The following TVP23A variants were observed in gnomAD, a reference collection of about 807,000 sequenced individuals.
TVP23A encodes trans-golgi network vesicle protein 23 homolog A.
A neutral mutation model predicts 31.7 loss-of-function variants in TVP23A; 21 were observed. That is an observed-to-expected ratio of 0.66 (90% CI 0.47 to 0.95). The LOEUF (loss-of-function observed/expected upper bound fraction) is 0.95. Ranked by LOEUF, TVP23A falls within the 40% of genes least tolerant of loss-of-function variation. The probability of loss-of-function intolerance (pLI) is 0.00; values close to 1 mark genes in which losing one functional copy is unlikely to be tolerated. For missense variants in TVP23A, 279 were observed against 255.6 expected, an observed-to-expected ratio of 1.09 and a Z score of -0.62; for synonymous variants, 104 against 96.0, an observed-to-expected ratio of 1.08 and a Z score of -0.49.
rs1055298592 is a variant in TVP23A at position 10,769,383 on chromosome 16, A to G, written c.*1-282T>C. ...GAGGCCTGTTTCACGTAAAAAACAA[A>G]TGGGTTGTGGGATCGTGGGATTCTG... On this transcript the variant is annotated intron_variant, in intron 7 of 7. Coordinates refer to ENST00000299866, the MANE Select transcript of TVP23A (RefSeq NM_001079512.4). The G allele has an allele frequency of 4.1e-5, 16 of 388,030 alleles. No homozygotes were observed. In the East Asian group the frequency reaches 7.6e-4, roughly 19 times the overall value. 24.0% of individuals were successfully genotyped at this position (388,030 alleles called of 1,614,324 possible). A position where few individuals can be genotyped will look rare whatever the true frequency, so the allele number is the denominator to read the frequency against.
At position 10,771,796 on chromosome 16, in the gene TVP23A, A is replaced by G; in HGVS notation, c.456T>C (p.Ala152=). The G allele has an allele frequency of 1.9e-6, 3 of 1,571,042 alleles. No individual in the cohort carries two copies. The South Asian group carries it at 3.5e-5, about 18-fold the overall frequency. The change falls in exon 6 of 8, where the codon GCT becomes GCC. Residue 152 remains alanine (A), a splice_region_variant and synonymous_variant. Transcript: ENST00000299866. Reference sequence around the variant, plus strand: ...GGAGAGAGATCCCAGCAACCACCAGAGCCTGCACTCAGACAAAGAAAGCAA... The same window carrying G: ...GGAGAGAGATCCCAGCAACCACCAGGGCCTGCACTCAGACAAAGAAAGCAA... ...TLFSLKLKWL[A]LVVAGISLQA...
chr16:10,772,242 C>A (rs2031678529), intron 5 of TVP23A, among the ~76,000 whole-genome samples: 1 of 152,218 alleles, frequency 6.6e-6, no homozygotes, highest in African/African-American at 2.4e-5. Context: ...GAAACTGAGG[C>A]TCAGGAAGAC....
intron 2 of TVP23A, among the ~76,000 whole-genome samples, chr16:10,814,339 GC>G (rs1441146575): frequency 6.6e-6 from 1 of 152,112 alleles, no homozygotes; most frequent in Non-Finnish European, 1.5e-5. Flanking sequence ...CTGTCCACTG[GC>G]TACTAGAATG....
At position 10,795,490 on chromosome 16, in the gene TVP23A, A is replaced by T. The variant is rs556430057; in HGVS notation, c.90-20394T>A. Among the ~76,000 whole-genome samples the T allele has an allele frequency of 9.9e-5, 15 of 152,160 alleles. No homozygotes were observed. In the East Asian group the frequency reaches 2.7e-3, roughly 27 times the overall value. On this transcript the variant is annotated intron_variant, in intron 2 of 7. Coordinates refer to ENST00000299866, the MANE Select transcript of TVP23A (RefSeq NM_001079512.4). ...AGTCTCGAACTCCTGACCTCAGGTG[A>T]TCTGCCTGCCTTGGCCTCCTCAAGT...
At chr16:10,816,753 T>C (rs2034456972) in intron 2 of TVP23A, among the ~76,000 whole-genome samples, 1 of 151,936 alleles carries the variant, frequency 6.6e-6, no homozygotes, top group African/African-American at 2.4e-5. Flanking sequence ...GGGATAGCAT[T>C]AGGTGATATA....
rs1019976645 is a variant in TVP23A at position 10,777,863 on chromosome 16, T to C, written c.90-2767A>G. Among the ~76,000 whole-genome samples, 1 of 151,682 alleles carries C rather than the reference T, an allele frequency of 6.6e-6. No homozygotes were observed. Among genetic ancestry groups the C allele is most frequent in the Non-Finnish European group, 1.5e-5 (1 of 67,954 alleles). The stretch of plus-strand genomic sequence containing the variant: ...CCGTCTCTACTAAAAATACAAAAAT[T>C]AGCTGAGCGTGGTGGTGGGCGCCTG... On this transcript the variant is annotated intron_variant, in intron 2 of 7. Transcript: ENST00000299866. This position sits in a 1 kb window ranked among gnomAD's most constrained non-coding sequence, Gnocchi z 4.5.
chr16:10,805,936 T>G (rs1271785822), intron 2 of TVP23A, among the ~76,000 whole-genome samples: 1 of 152,212 alleles, frequency 6.6e-6, no homozygotes, highest in Non-Finnish European at 1.5e-5. Context: ...TGGAGACATT[T>G]TGGTTGTCAC....
chr16:10,761,220 A>G, downstream of TVP23A: 1 of 635,610 alleles, frequency 1.6e-6, no homozygotes, highest in South Asian at 1.9e-5. Flanking sequence ...TTGGATGGGG[A>G]CACAGAGCCA....
intron 2 of TVP23A, among the ~76,000 whole-genome samples, chr16:10,816,228 C>CAAAAAAAAAAAAAAAAAA (rs760801777): frequency 5.4e-5 from 4 of 73,840 alleles, no homozygotes; most frequent in African/African-American, 1.5e-4. Flanking sequence ...AACCCTATCT[C>CAAAAAAAAAAAAAAAAAA]AAAAAAAAAA....
chr16:10,771,810 CAAAG>C lies in TVP23A; in HGVS notation c.454-16_454-13del. 1 of 1,556,648 alleles carries C rather than the reference CAAAG, an allele frequency of 6.4e-7. No homozygotes were observed. The highest frequency in any genetic ancestry group is 8.7e-7 in the Non-Finnish European group (1 of 1,149,594). On this transcript the variant is annotated splice_polypyrimidine_tract_variant and intron_variant, in intron 5 of 7. Coordinates refer to ENST00000299866, the MANE Select transcript of TVP23A (RefSeq NM_001079512.4). ...GCAACCACCAGAGCCTGCACTCAGA[CAAAG>C]AAAGCAAAGGTCACTTTTTTTTGAG... is the stretch of plus-strand genomic sequence containing the variant.
chr16:10,805,885 C>G (rs1436173560), intron 2 of TVP23A, among the ~76,000 whole-genome samples: 1 of 152,044 alleles, frequency 6.6e-6, no homozygotes, highest in African/African-American at 2.4e-5. Flanking sequence ...GCCAGTGGTT[C>G]TCAAAGAGGT....
downstream of TVP23A, among the ~76,000 whole-genome samples, chr16:10,765,351 G>GA (rs1225002487): frequency 7.7e-6 from 1 of 129,108 alleles, no homozygotes; most frequent in Non-Finnish European, 1.7e-5. This position sits in a 1 kb window ranked among gnomAD's most constrained non-coding sequence, Gnocchi z 4.0. Context: ...AAAAAAAAAG[G>GA]AAAAAATTCA....
downstream of TVP23A, chr16:10,762,104 G>C (rs553616318): frequency 5.0e-6 from 2 of 400,138 alleles, no homozygotes; most frequent in Non-Finnish European, 9.2e-6. Context: ...GAAGAATGGG[G>C]TAGAGGTTGG....
chr16:10,769,222 T>C, intron 7 of TVP23A, 121 bp from the exon 8 acceptor site: 1 of 837,904 alleles, frequency 1.2e-6, no homozygotes, highest in East Asian at 2.5e-5. Flanking sequence ...GACCAGATGC[T>C]GGTGTGGTCC....
chr16:10,811,615 CACTGACACTAAAAGCAAAGGAA>C, intron 2 of TVP23A, among the ~76,000 whole-genome samples: 1 of 151,972 alleles, frequency 6.6e-6, no homozygotes, highest in Non-Finnish European at 1.5e-5. Flanking sequence ...CACACACATA[CACTGACACTAAAAGCAAAGGAA>C]ACAAAAGGTA....
rs181358599 is a variant in TVP23A at position 10,777,947 on chromosome 16, G to C, written c.90-2851C>G. Among the ~76,000 whole-genome samples, 772 of 152,224 alleles carry C rather than the reference G, an allele frequency of 5.1e-3. 1 individual carries two copies. Among genetic ancestry groups the C allele is most frequent in the Non-Finnish European group, 8.1e-3 (552 of 68,030 alleles). The stretch of plus-strand genomic sequence containing the variant: ...AATTGCTTGAATCTGGGAGGCGGAG[G>C]TTGCAGTGAGTTGAGATCGTACTAC... On this transcript the variant is annotated intron_variant, in intron 2 of 7. Transcript: ENST00000299866. This position sits in a 1 kb window ranked among gnomAD's most constrained non-coding sequence, Gnocchi z 4.5.
intron 2 of TVP23A, among the ~76,000 whole-genome samples, chr16:10,816,244 A>AG (rs1022904370): frequency 6.6e-6 from 1 of 151,750 alleles, no homozygotes; most frequent in Non-Finnish European, 1.5e-5. Context: ...AAAAAAAAAA[A>AG]AAAAGAAATC....
At chr16:10,795,049 G>T (rs553577089) in intron 2 of TVP23A, among the ~76,000 whole-genome samples, 1 of 152,064 alleles carries the variant, frequency 6.6e-6, no homozygotes, top group African/African-American at 2.4e-5. Flanking sequence ...ACACAATGGG[G>T]CAGGGACATT....
downstream of TVP23A, chr16:10,761,979 C>G (rs2029985989): frequency 4.0e-6 from 3 of 745,858 alleles, no homozygotes; most frequent in Admixed American, 8.0e-5. Context: ...CAATGGGGCG[C>G]TGGAGCCAGA....
Sources: gnomAD v4.1 joint callset for allele counts (sites outside exome capture counted in the v4.1 genomes callset) on GRCh38, gnomAD v4.1.1 for gene constraint, Gnocchi (gnomAD v3.1) non-coding constraint, MANE v1.5 for transcripts, NCBI Gene and HGNC (gene_info 2026-07-23, HGNC 2026-07-21) for gene names.